EIF4E3: variants seen among roughly 807,000 people sequenced by gnomAD.
EIF4E3 encodes the protein eukaryotic translation initiation factor 4E family member 3.
Under a neutral mutation model 31.7 loss-of-function variants are expected in EIF4E3, and 26 were observed. The ratio of observed to expected loss-of-function variants is 0.82; its 90% CI spans 0.60 to 1.14. The LOEUF (loss-of-function observed/expected upper bound fraction) is 1.14, where lower values mean the gene tolerates loss of function less well. Among genes scored for constraint, EIF4E3 ranks in the 50% most tolerant of loss-of-function variants. The pLI, the probability that EIF4E3 is intolerant of heterozygous loss-of-function variation, is 0.00. For synonymous variants in EIF4E3, 128 were observed against 107.7 expected (o/e 1.19, Z -1.17); for missense variants, 304 against 270.9 (o/e 1.12, Z -0.86).
At chr3:71,691,616 C>A (rs1261952376) in intron 5 of EIF4E3, among the ~76,000 whole-genome samples, 1 of 152,150 alleles carries the variant, frequency 6.6e-6, no homozygotes, top group African/African-American at 2.4e-5. Flanking sequence ...GCTTGTACAT[C>A]TGGATGCTAG....
At chr3:71,751,391 T>C (rs1193524885) in intron 1 of EIF4E3, among the ~76,000 whole-genome samples, 5 of 152,186 alleles carry the variant, frequency 3.3e-5, no homozygotes, top group Non-Finnish European at 5.9e-5. Flanking sequence ...AATGATTACA[T>C]TAAATAACAC....
At chr3:71,743,067 C>G (rs1382798640) in intron 1 of EIF4E3, among the ~76,000 whole-genome samples, 2 of 152,252 alleles carry the variant, frequency 1.3e-5, no homozygotes, top group East Asian at 3.9e-4. Context: ...TGAATGCTTT[C>G]CTTTTAATAT....
chr3:71,702,360 T>TC (rs1272603236), intron 2 of EIF4E3, among the ~76,000 whole-genome samples: 5 of 152,124 alleles, frequency 3.3e-5, no homozygotes, highest in Non-Finnish European at 7.4e-5. Flanking sequence ...CTGGCAAACT[T>TC]CAAGTCTCCT....
chr3:71,730,529 G>C (rs1328789140), intron 1 of EIF4E3, among the ~76,000 whole-genome samples: 1 of 152,164 alleles, frequency 6.6e-6, no homozygotes, highest in Non-Finnish European at 1.5e-5. Flanking sequence ...GGAAGAGAAA[G>C]GGGCAAAGGA....
chr3:71,736,733 T>A (rs891589546), intron 1 of EIF4E3, among the ~76,000 whole-genome samples: 1 of 152,204 alleles, frequency 6.6e-6, no homozygotes, highest in Non-Finnish European at 1.5e-5. Context: ...GGTGGATACA[T>A]GTCATTGGAC....
At chr3:71,746,694 T>C (rs2049876610) in intron 1 of EIF4E3, among the ~76,000 whole-genome samples, 1 of 152,236 alleles carries the variant, frequency 6.6e-6, no homozygotes, top group South Asian at 2.1e-4. Context: ...TTTCTTATGA[T>C]ATCCACAGAG....
rs200014881 is a variant in EIF4E3, at chr3:71,750,765, G to GTT, written c.-291+2697_-291+2698insAA. ...GGAGACCCCATCTCTACAAATAATT[G>GTT]GTTTTTTTTTTTTTTTGAGACGGAG... On this transcript the variant is annotated intron_variant, in intron 1 of 7. Coordinates refer to the EIF4E3 transcript ENST00000295612. 9.7e-5 allele frequency among the ~76,000 whole-genome samples: 12 copies of GTT among 123,760 alleles called. 1 individual carries two copies. The highest frequency in any genetic ancestry group is 1.1e-4 in the Non-Finnish European group (6 of 57,014). The allele number at this position is 123,760 out of a possible 152,430, so 81.2% of individuals were successfully genotyped here.
At chr3:71,746,447 G>A (rs1391796934) in intron 1 of EIF4E3, among the ~76,000 whole-genome samples, 1 of 152,130 alleles carries the variant, frequency 6.6e-6, no homozygotes, top group Non-Finnish European at 1.5e-5. Flanking sequence ...AAACGTTAAG[G>A]CCCACCAAAG....
chr3:71,680,661 G>C lies in EIF4E3; in HGVS notation c.*4021C>G, dbSNP rs1341707753. 1.3e-5 allele frequency: 2 copies of C among 152,258 alleles called. No individual in the cohort carries two copies. Among genetic ancestry groups the C allele is most frequent in the East Asian group, 3.9e-4 (2 of 5,182 alleles). The allele number at this position is 152,258 out of a possible 1,614,324, so 9.4% of individuals were successfully genotyped here. On this transcript the variant is annotated 3_prime_UTR_variant, in exon 7 of 7. Coordinates refer to ENST00000425534, the MANE Select transcript of EIF4E3 (RefSeq NM_001134651.2). ...GGGATTTCTTCTTGGGAGAAGTAGA[G>C]GGGCAACCCACTCTAATTGCTATAA...
intron 1 of EIF4E3, among the ~76,000 whole-genome samples, chr3:71,738,754 C>T (rs911141039): frequency 6.6e-6 from 1 of 151,802 alleles, no homozygotes; most frequent in African/African-American, 2.4e-5. Flanking sequence ...AACTGCTAGA[C>T]AGAACATCAG....
At chr3:71,709,471 C>T (rs1180928284) in intron 2 of EIF4E3, among the ~76,000 whole-genome samples, 2 of 152,188 alleles carry the variant, frequency 1.3e-5, no homozygotes, top group African/African-American at 4.8e-5. Flanking sequence ...TGTTGAAATC[C>T]TGGGCTCAAG....
At chr3:71,704,955 T>C (rs1309824864) in intron 2 of EIF4E3, among the ~76,000 whole-genome samples, 1 of 152,242 alleles carries the variant, frequency 6.6e-6, no homozygotes, top group African/African-American at 2.4e-5. Flanking sequence ...GTTGATCCTA[T>C]TATGCATATA....
chr3:71,742,910 C>G (rs1390812020), intron 1 of EIF4E3, among the ~76,000 whole-genome samples: 2 of 152,100 alleles, frequency 1.3e-5, no homozygotes, highest in East Asian at 3.8e-4. Flanking sequence ...GCATGGAAAG[C>G]ATTTGTCAAA....
intron 1 of EIF4E3, among the ~76,000 whole-genome samples, chr3:71,751,550 C>A (rs908128156): frequency 3.1e-4 from 47 of 152,296 alleles, no homozygotes; most frequent in African/African-American, 1.1e-3. Context: ...GCAGCCCAAG[C>A]GCTAAGGGCC....
intron 1 of EIF4E3, among the ~76,000 whole-genome samples, chr3:71,746,514 G>T (rs1270271267): frequency 6.6e-6 from 1 of 152,184 alleles, no homozygotes; most frequent in Non-Finnish European, 1.5e-5. Flanking sequence ...TCTGTGGCCA[G>T]CCTCAGGTAA....
At chr3:71,754,208 G>C (rs973629714), upstream of EIF4E3, 1 of 1,401,954 alleles carries the variant, frequency 7.1e-7, no homozygotes, top group Non-Finnish European at 9.4e-7. This position sits in a 1 kb window ranked among gnomAD's most constrained non-coding sequence, Gnocchi z 5.8. Context: ...ACCGCGCCCC[G>C]TACTACCTGC....
At chr3:71,708,282 A>C (rs1042966808) in intron 2 of EIF4E3, among the ~76,000 whole-genome samples, 6 of 152,164 alleles carry the variant, frequency 3.9e-5, no homozygotes, top group Non-Finnish European at 8.8e-5. Context: ...GAATGAATGT[A>C]ATGTGGTAGA....
the EIF4E3 span, among the ~76,000 whole-genome samples, chr3:71,660,747 G>A: frequency 7.9e-5 from 12 of 152,156 alleles, no homozygotes; most frequent in South Asian, 6.2e-4. Flanking sequence ...GACAGACACC[G>A]AAGCCCAAAA....
chr3:71,693,310 G>A (rs1273205650), intron 5 of EIF4E3, among the ~76,000 whole-genome samples: 1 of 152,158 alleles, frequency 6.6e-6, no homozygotes, highest in Non-Finnish European at 1.5e-5. Flanking sequence ...AAGAACTTCT[G>A]TCTTATCCTC....
Sources: gnomAD v4.1 joint callset for allele counts (sites outside exome capture counted in the v4.1 genomes callset) on GRCh38, gnomAD v4.1.1 for gene constraint, Gnocchi (gnomAD v3.1) non-coding constraint, MANE v1.5 for transcripts, NCBI Gene and HGNC (gene_info 2026-07-23, HGNC 2026-07-21) for gene names.